The following CBX1 variants were observed in gnomAD, a reference collection of about 807,000 sequenced individuals.
The protein encoded by CBX1 is chromobox 1, also known as chromobox protein homolog 1.
CBX1 carries 10 observed loss-of-function variants against 25.1 expected under a neutral mutation model. The ratio of observed to expected loss-of-function variants is 0.40; its 90% confidence interval spans 0.25 to 0.68. The LOEUF (loss-of-function observed/expected upper bound fraction) is 0.68. Ranked by LOEUF, CBX1 falls within the 30% of genes least tolerant of loss-of-function variation. The pLI is 0.40. For missense variants in CBX1, 106 were observed against 218.5 expected (o/e 0.49, Z 3.25); for synonymous variants, 63 against 79.4 (o/e 0.79, Z 1.10).
intron 1 of CBX1, among the ~76,000 whole-genome samples, chr17:48,098,077 C>G (rs916448383): frequency 2.0e-5 from 3 of 152,002 alleles, no homozygotes; most frequent in Non-Finnish European, 4.4e-5. Flanking sequence ...CCATTCTGGG[C>G]AACAGAGACT....
At chr17:48,097,148 G>A (rs2063379801) in intron 1 of CBX1, among the ~76,000 whole-genome samples, 1 of 151,856 alleles carries the variant, frequency 6.6e-6, no homozygotes, top group Non-Finnish European at 1.5e-5. Context: ...AGCTACTTAG[G>A]AGGCCTGAGG....
intron 1 of CBX1, among the ~76,000 whole-genome samples, chr17:48,078,651 G>A (rs2037700874): frequency 1.3e-5 from 2 of 151,412 alleles, no homozygotes; most frequent in Admixed American, 6.6e-5. Flanking sequence ...CATTACGCCT[G>A]GCTAATTTCT....
Position 48,070,434 on chromosome 17 carries a change from A to G in CBX1, c.*1001T>C, listed in dbSNP as rs1470442030. The G allele has an allele frequency of 6.6e-6, 1 of 152,610 alleles. No homozygotes were observed. Among genetic ancestry groups the G allele is most frequent in the Non-Finnish European group, 1.5e-5 (1 of 68,036 alleles). The allele number at this position is 152,610 out of a possible 1,614,324, so 9.5% of individuals were successfully genotyped here. ...CCTGCCAACAATGGTTTCAGTGTTC[A>G]AAGCTCAAAGTAAACGGCTCCAAGA... On this transcript the variant is annotated 3_prime_UTR_variant, in exon 5 of 5. Coordinates refer to ENST00000225603, the MANE Select transcript of CBX1 (RefSeq NM_001127228.2).
In CBX1 at chr17:48,101,453, C is replaced by A. The variant is rs527354678; in HGVS notation, c.-223G>T. 13 of 985,694 alleles carry A rather than the reference C, an allele frequency of 1.3e-5. No individual in the cohort carries two copies. In the South Asian group the frequency reaches 5.2e-4, roughly 39 times the overall value. 61.1% of individuals were successfully genotyped at this position (985,694 alleles called of 1,614,324 possible). On this transcript the variant is annotated 5_prime_UTR_variant, in exon 1 of 5. Transcript: ENST00000225603. ...TCCCCTCAGCCGAACAAAAGAGCCT[C>A]GCAGTCTGCGCTGCCCGCCGCTCGC...
chr17:48,085,706 G>A (rs1159965612), intron 1 of CBX1, among the ~76,000 whole-genome samples: 1 of 152,164 alleles, frequency 6.6e-6, no homozygotes, highest in African/African-American at 2.4e-5. Context: ...GCTACATAGT[G>A]TAGAATTTTT....
chr17:48,080,954 ATATATATATATAT>A (rs2037730452), intron 1 of CBX1, among the ~76,000 whole-genome samples: 39 of 18,518 alleles, frequency 2.1e-3, no homozygotes, highest in African/African-American at 4.3e-3. Context: ...AAAAAAAAAT[ATATATATATATAT>A]ATATATATAT....
intron 1 of CBX1, among the ~76,000 whole-genome samples, chr17:48,078,417 C>T (rs1486205842): frequency 6.6e-6 from 1 of 152,038 alleles, no homozygotes; most frequent in Non-Finnish European, 1.5e-5. Flanking sequence ...TGGTCTCGAT[C>T]TCCTGACCTC....
chr17:48,078,473 TG>T (rs1220762908), intron 1 of CBX1, among the ~76,000 whole-genome samples: 1 of 152,018 alleles, frequency 6.6e-6, no homozygotes, highest in Non-Finnish European at 1.5e-5. Context: ...ATTACAGAGC[TG>T]AGCCACCATG....
chr17:48,073,479 T>TA (rs1197773911), intron 4 of CBX1, among the ~76,000 whole-genome samples: 1 of 152,156 alleles, frequency 6.6e-6, no homozygotes, highest in African/African-American at 2.4e-5. Flanking sequence ...TCCAGTAAAA[T>TA]AACTTTTTAA....
At chr17:48,087,649 AG>A (rs2063320116) in intron 1 of CBX1, among the ~76,000 whole-genome samples, 1 of 152,054 alleles carries the variant, frequency 6.6e-6, no homozygotes. Flanking sequence ...CAAGGCAGGC[AG>A]ATCACTAGGT....
At chr17:48,083,126 A>G (rs1193244610) in intron 1 of CBX1, among the ~76,000 whole-genome samples, 1 of 150,318 alleles carries the variant, frequency 6.7e-6, no homozygotes, top group East Asian at 1.9e-4. Flanking sequence ...TCAGCCTCCC[A>G]AAGTGCTGGG....
chr17:48,073,158 T>G (rs538265479), intron 4 of CBX1, among the ~76,000 whole-genome samples: 2 of 151,954 alleles, frequency 1.3e-5, no homozygotes, highest in Non-Finnish European at 2.9e-5. Flanking sequence ...TTCAGGTTAT[T>G]AGGAATGTCC....
At chr17:48,071,965 C>G (rs2037628364) in intron 4 of CBX1, among the ~76,000 whole-genome samples, 2 of 151,438 alleles carry the variant, frequency 1.3e-5, no homozygotes, top group Middle Eastern at 3.2e-3. Context: ...CTGATAAGAA[C>G]CCATGGAGAA....
intron 1 of CBX1, among the ~76,000 whole-genome samples, chr17:48,081,500 G>C (rs948193809): frequency 1.3e-5 from 2 of 152,160 alleles, no homozygotes; most frequent in Non-Finnish European, 2.9e-5. Flanking sequence ...GTGCAATGGA[G>C]CACTCTCAGC....
chr17:48,085,928 G>A (rs1279002275), intron 1 of CBX1, among the ~76,000 whole-genome samples: 2 of 152,096 alleles, frequency 1.3e-5, no homozygotes, highest in Non-Finnish European at 2.9e-5. Context: ...AAATAGGCTG[G>A]TCACGGTGGC....
intron 1 of CBX1, among the ~76,000 whole-genome samples, chr17:48,082,575 C>T (rs1422063198): frequency 4.1e-5 from 6 of 147,002 alleles, no homozygotes; most frequent in Non-Finnish European, 8.9e-5. Context: ...GAGTCTCTGT[C>T]GCCCAGGCTG....
At chr17:48,080,184 C>T (rs1196230888) in intron 1 of CBX1, among the ~76,000 whole-genome samples, 3 of 152,060 alleles carry the variant, frequency 2.0e-5, no homozygotes, top group Non-Finnish European at 4.4e-5. Context: ...CTACAGGCAC[C>T]TGCCACCAGG....
intron 1 of CBX1, among the ~76,000 whole-genome samples, chr17:48,091,317 G>A (rs890762410): frequency 7.3e-5 from 11 of 149,988 alleles, no homozygotes; most frequent in African/African-American, 1.7e-4. Flanking sequence ...CTTTTAACCC[G>A]TTTAGGTTGA....
At chr17:48,078,350 G>A (rs2037697635) in intron 1 of CBX1, among the ~76,000 whole-genome samples, 1 of 151,938 alleles carries the variant, frequency 6.6e-6, no homozygotes, top group South Asian at 2.1e-4. Flanking sequence ...CCGCCACCAC[G>A]CCCAGCTAAT....
Sources: allele counts gnomAD v4.1 joint callset (sites outside exome capture counted in the v4.1 genomes callset), GRCh38; gene constraint gnomAD v4.1.1; transcripts MANE v1.5; gene names NCBI Gene and HGNC (gene_info 2026-07-23, HGNC 2026-07-21).